Variants in ANTXR2 observed in about 807,000 individuals in gnomAD.
The protein encoded by ANTXR2 is anthrax toxin receptor 2.
A neutral mutation model predicts 73.7 loss-of-function variants in ANTXR2; 44 were observed. The observed-to-expected ratio is 0.60, with a 90% CI of 0.47 to 0.77. The LOEUF (loss-of-function observed/expected upper bound fraction) is 0.77, where lower values mean the gene tolerates loss of function less well. ANTXR2 is among the 30% of genes least tolerant of loss of function. ANTXR2 has a pLI of 0.00. For missense variants in ANTXR2, 604 were observed against 592.5 expected, an observed-to-expected ratio of 1.02 and a Z score of -0.20; for synonymous variants, 217 against 205.9, an observed-to-expected ratio of 1.05 and a Z score of -0.46.
At chr4:79,946,524 A>C (rs1400839363) in intron 16 of ANTXR2, among the ~76,000 whole-genome samples, 1 of 152,080 alleles carries the variant, frequency 6.6e-6, no homozygotes, top group Non-Finnish European at 1.5e-5. Context: ...TCAATCATTG[A>C]ATATGGGCAG....
At chr4:79,991,069 A>G (rs1265765178) in intron 12 of ANTXR2, among the ~76,000 whole-genome samples, 1 of 152,174 alleles carries the variant, frequency 6.6e-6, no homozygotes, top group Non-Finnish European at 1.5e-5. Context: ...AGTTTCCAAA[A>G]GCAATGGCAG....
chr4:80,057,325 T>C (rs1413217389), intron 3 of ANTXR2, among the ~76,000 whole-genome samples: 1 of 152,030 alleles, frequency 6.6e-6, no homozygotes, highest in East Asian at 1.9e-4. Flanking sequence ...TTATAAAATA[T>C]GTCAAAAATA....
At chr4:80,064,792 T>A (rs1355734080) in intron 3 of ANTXR2, among the ~76,000 whole-genome samples, 2 of 152,152 alleles carry the variant, frequency 1.3e-5, no homozygotes, top group Non-Finnish European at 2.9e-5. Flanking sequence ...GAAGACCACT[T>A]GAGCTAGACT....
intron 12 of ANTXR2, among the ~76,000 whole-genome samples, chr4:79,992,921 T>C (rs759095124): frequency 4.6e-5 from 7 of 152,042 alleles, no homozygotes; most frequent in Non-Finnish European, 8.8e-5. Context: ...CCATGCCCAA[T>C]ACATTCTTTG....
At chr4:79,998,980 A>G (rs776115387) in intron 12 of ANTXR2, among the ~76,000 whole-genome samples, 1 of 152,096 alleles carries the variant, frequency 6.6e-6, no homozygotes, top group African/African-American at 2.4e-5. Context: ...CACACAGAGG[A>G]CACTATCTGC....
intron 11 of ANTXR2, 43 bp from the exon 12 acceptor site, chr4:80,008,659 T>A: frequency 3.1e-6 from 4 of 1,301,774 alleles, no homozygotes; most frequent in Non-Finnish European, 4.3e-6. Context: ...CAGCACAGCT[T>A]ATGGTCAAAT....
chr4:80,011,633 A>G (rs2110060445), intron 11 of ANTXR2, among the ~76,000 whole-genome samples: 1 of 152,312 alleles, frequency 6.6e-6, no homozygotes, highest in African/African-American at 2.4e-5. Flanking sequence ...ATCTAGTTTC[A>G]TACTCTTCTT....
At chr4:80,044,701 T>A (rs924393521) in intron 7 of ANTXR2, among the ~76,000 whole-genome samples, 11 of 151,870 alleles carry the variant, frequency 7.2e-5, no homozygotes, top group Admixed American at 1.3e-4. Flanking sequence ...ATCCATATTT[T>A]TTTTCTAATT....
intron 9 of ANTXR2, among the ~76,000 whole-genome samples, chr4:80,032,125 T>C (rs1335752290): frequency 6.6e-6 from 1 of 151,760 alleles, no homozygotes; most frequent in Non-Finnish European, 1.5e-5. Context: ...AATAAATAAA[T>C]GCATTTTATG....
chr4:79,963,849 G>A (rs1010809764), intron 16 of ANTXR2, among the ~76,000 whole-genome samples: 2 of 151,966 alleles, frequency 1.3e-5, no homozygotes, highest in Non-Finnish European at 2.9e-5. Flanking sequence ...TTTGTTTCTG[G>A]CTGAATGTAG....
rs141355689 is a variant in ANTXR2 at position 80,069,511 on chromosome 4, C to T, written c.225-4G>A. ...GAAAGATAATCTCATTTCAGGGCTG[C>T]AAAATAAGAAAAGAGGCAGTTAAAA... is the stretch of plus-strand genomic sequence containing the variant. On this transcript the variant is annotated splice_region_variant and splice_polypyrimidine_tract_variant and intron_variant, in intron 2 of 16. Transcript: ENST00000403729. 0.018 allele frequency: 28,304 copies of T among 1,588,200 alleles called. 351 individuals are homozygous for T. The highest frequency in any genetic ancestry group is 0.054 in the Middle Eastern group (327 of 6,012).
At chr4:80,064,774 A>G (rs948900174) in intron 3 of ANTXR2, among the ~76,000 whole-genome samples, 3 of 152,196 alleles carry the variant, frequency 2.0e-5, no homozygotes, top group African/African-American at 7.2e-5. Context: ...CTGTTCAGGG[A>G]ATGGAAAGAA....
chr4:80,029,338 T>A (rs1253717759), intron 10 of ANTXR2, among the ~76,000 whole-genome samples: 3 of 121,228 alleles, frequency 2.5e-5, no homozygotes, highest in African/African-American at 8.7e-5. Flanking sequence ...AAAGCCAAGA[T>A]TTTTTTTTTC....
chr4:79,910,821 T>C (rs1461829171), intron 16 of ANTXR2, among the ~76,000 whole-genome samples: 2 of 151,636 alleles, frequency 1.3e-5, no homozygotes, highest in African/African-American at 4.8e-5. Context: ...ACGGAGAAAA[T>C]AGATGAGAGT....
At chr4:79,988,001 C>G (rs184917627) in intron 12 of ANTXR2, among the ~76,000 whole-genome samples, 2 of 151,764 alleles carry the variant, frequency 1.3e-5, no homozygotes, top group Non-Finnish European at 2.9e-5. Context: ...CCTGCCACCA[C>G]AAAAACACAC....
Position 80,008,633 on chromosome 4 carries a change from G to A in ANTXR2, c.946-17C>T. 1 of 1,554,702 alleles carries A rather than the reference G, an allele frequency of 6.4e-7. No homozygotes were observed. The highest frequency in any genetic ancestry group is 1.2e-5 in the South Asian group (1 of 81,694). The stretch of plus-strand genomic sequence containing the variant: ...CCCGTTAGACTAAAGTAGGCAAAAA[G>A]CAAAAACAAAGCAGTCAGCACAGCT... On this transcript the variant is annotated splice_polypyrimidine_tract_variant and intron_variant, in intron 11 of 16. Transcript: ENST00000403729.
chr4:80,031,615 G>C lies in ANTXR2; in HGVS notation c.866+8C>G, dbSNP rs1397854284. ...ATGTTATAAAATTGTTTTAAATTAA[G>C]TACTTACTCTCCAGCTTTATTCAGG... On this transcript the variant is annotated splice_region_variant and intron_variant, in intron 10 of 16. Coordinates refer to ENST00000403729, the MANE Select transcript of ANTXR2 (RefSeq NM_058172.6). 1 of 1,486,210 alleles carries C rather than the reference G, an allele frequency of 6.7e-7. No homozygotes were observed. The highest frequency in any genetic ancestry group is 8.9e-7 in the Non-Finnish European group (1 of 1,119,310). The allele number at this position is 1,486,210 out of a possible 1,614,324, so 92.1% of individuals were successfully genotyped here.
At chr4:79,929,611 G>A (rs1727980811) in intron 16 of ANTXR2, among the ~76,000 whole-genome samples, 1 of 152,084 alleles carries the variant, frequency 6.6e-6, no homozygotes. Context: ...TTGATGCAAG[G>A]ACAAGATTCT....
intron 5 of ANTXR2, 29 bp downstream of exon 5, chr4:80,055,331 G>A (rs1436019537): frequency 5.7e-6 from 9 of 1,583,502 alleles, no homozygotes; most frequent in Non-Finnish European, 7.8e-6. Context: ...ACAGTGGGGT[G>A]TAGAGAACAG....
Sources: allele counts gnomAD v4.1 joint callset (sites outside exome capture counted in the v4.1 genomes callset), GRCh38; gene constraint gnomAD v4.1.1; transcripts MANE v1.5; gene names NCBI Gene and HGNC (gene_info 2026-07-23, HGNC 2026-07-21).